The following NOVA1 variants were observed in gnomAD, a reference collection of about 807,000 sequenced individuals.
NOVA1 encodes the protein NOVA alternative splicing regulator 1.
NOVA1 carries 7 observed loss-of-function variants against 38.0 expected under a neutral mutation model. That is an observed-to-expected ratio of 0.18 (90% CI 0.10 to 0.35). The LOEUF (loss-of-function observed/expected upper bound fraction) is 0.35, where lower values mean the gene tolerates loss of function less well. Among genes scored for constraint, NOVA1 ranks in the 10% least tolerant of loss-of-function variants. The probability of loss-of-function intolerance (pLI) is 1.00; values close to 1 mark genes in which losing one functional copy is unlikely to be tolerated. For synonymous variants in NOVA1, 270 were observed against 232.5 expected (o/e 1.16, Z -1.47); for missense variants, 460 against 616.0 (o/e 0.75, Z 2.68).
intron 3 of NOVA1, among the ~76,000 whole-genome samples, chr14:26,473,548 T>TGAAGTC (rs1250132545): frequency 1.3e-5 from 2 of 151,988 alleles, no homozygotes; most frequent in African/African-American, 4.8e-5. Context: ...TGAAATTACT[T>TGAAGTC]GAAGTCATAT....
At chr14:26,508,030 T>G (rs1887774470) in intron 2 of NOVA1, among the ~76,000 whole-genome samples, 1 of 152,054 alleles carries the variant, frequency 6.6e-6, no homozygotes, top group Admixed American at 6.6e-5. Flanking sequence ...CTAAAGTTTT[T>G]CTATTACTTA....
Position 26,444,170 on chromosome 14 carries a change from GT to G in NOVA1, c.*3788del, listed in dbSNP as rs1881895059. On this transcript the variant is annotated 3_prime_UTR_variant, in exon 5 of 5. Transcript: ENST00000539517. ...AAATTTCCAAGGAAACATAGGGCCTGTAACGTAGGGATTCCATTCATTGTTA... is the reference window on the plus strand; with the variant it reads ...AAATTTCCAAGGAAACATAGGGCCTGAACGTAGGGATTCCATTCATTGTTA... 1 of 152,082 alleles carries G rather than the reference GT, an allele frequency of 6.6e-6. No homozygotes were observed. Among genetic ancestry groups the G allele is most frequent in the Admixed American group, 6.6e-5 (1 of 15,256 alleles). The allele number at this position is 152,082 out of a possible 1,614,324, so 9.4% of individuals were successfully genotyped here. A position where few individuals can be genotyped will look rare whatever the true frequency, so the allele number is the denominator to read the frequency against.
At chr14:26,529,484 C>G (rs571448256) in intron 2 of NOVA1, among the ~76,000 whole-genome samples, 2 of 152,218 alleles carry the variant, frequency 1.3e-5, no homozygotes, top group South Asian at 4.1e-4. Context: ...TGGGAAAGGT[C>G]AAGGGTTGGA....
chr14:26,506,804 T>G (rs1164504416), intron 2 of NOVA1, among the ~76,000 whole-genome samples: 1 of 152,138 alleles, frequency 6.6e-6, no homozygotes, highest in Non-Finnish European at 1.5e-5. Context: ...GGTCTCAAAC[T>G]CCTGACCTCA....
intron 2 of NOVA1, among the ~76,000 whole-genome samples, chr14:26,587,308 T>TAAAAAAAAAAAAAA (rs34853058): frequency 1.6e-5 from 2 of 123,680 alleles, no homozygotes; most frequent in Admixed American, 1.6e-4. Context: ...CTAAAATATA[T>TAAAAAAAAAAAAAA]AAAAAAAAAA....
In NOVA1 at chr14:26,581,341, G is replaced by C. The variant is rs375268795; in HGVS notation, c.280+14069C>G. On this transcript the variant is annotated intron_variant, in intron 2 of 4. Transcript: ENST00000539517. ...ACTATATCACAGTGATCTGACCAGAGTTTTCTAACCTTAAATCTATAATTC... is the reference window on the plus strand; with the variant it reads ...ACTATATCACAGTGATCTGACCAGACTTTTCTAACCTTAAATCTATAATTC... 5.3e-5 allele frequency among the ~76,000 whole-genome samples: 8 copies of C among 152,130 alleles called. No homozygotes were observed. The East Asian group carries it at 1.3e-3, about 26-fold the overall frequency.
intron 2 of NOVA1, among the ~76,000 whole-genome samples, chr14:26,487,780 A>G (rs1566469805): frequency 6.6e-6 from 1 of 152,124 alleles, no homozygotes; most frequent in African/African-American, 2.4e-5. Flanking sequence ...TTTCTCCAAG[A>G]TTTATTCCAA....
intron 4 of NOVA1, among the ~76,000 whole-genome samples, chr14:26,463,150 T>G (rs1398509771): frequency 6.6e-6 from 1 of 152,184 alleles, no homozygotes; most frequent in Admixed American, 6.5e-5. Flanking sequence ...TTAATCACTC[T>G]CCTGTGATTA....
At chr14:26,497,862 A>G (rs923832781) in intron 2 of NOVA1, among the ~76,000 whole-genome samples, 2 of 152,190 alleles carry the variant, frequency 1.3e-5, no homozygotes, top group African/African-American at 4.8e-5. Flanking sequence ...TATCAAACCC[A>G]GACATACCAG....
At chr14:26,578,826 T>A (rs1430116163) in intron 2 of NOVA1, among the ~76,000 whole-genome samples, 5 of 152,104 alleles carry the variant, frequency 3.3e-5, no homozygotes, top group Non-Finnish European at 7.4e-5. Context: ...TAACCTTTAG[T>A]CATCCCTAAT....
At chr14:26,460,362 T>G (rs1247854521) in intron 4 of NOVA1, among the ~76,000 whole-genome samples, 1 of 151,990 alleles carries the variant, frequency 6.6e-6, no homozygotes, top group Non-Finnish European at 1.5e-5. Context: ...AACTGTACTA[T>G]TAGTCACAAA....
Position 26,597,146 on chromosome 14 carries a change from G to C in NOVA1, c.136+155C>G, listed in dbSNP as rs1055879080. The C allele has an allele frequency of 7.4e-6, 9 of 1,215,116 alleles. No homozygotes were observed. In the African/African-American group the frequency reaches 1.4e-4, roughly 19 times the overall value. 75.3% of individuals were successfully genotyped at this position (1,215,116 alleles called of 1,614,324 possible). A position where few individuals can be genotyped will look rare whatever the true frequency, so the allele number is the denominator to read the frequency against. On this transcript the variant is annotated intron_variant, in intron 1 of 4. Coordinates refer to ENST00000539517, the MANE Select transcript of NOVA1 (RefSeq NM_002515.3). ...GCGCGGGGCAGGTGCAGGGGAGGGG[G>C]CGCGGGGCAGGGGCGCAGGGGCCGC...
intron 2 of NOVA1, among the ~76,000 whole-genome samples, chr14:26,580,366 A>C (rs1013328509): frequency 6.6e-6 from 1 of 152,302 alleles, no homozygotes; most frequent in Non-Finnish European, 1.5e-5. Context: ...AATTTTAATG[A>C]GTTATAAAAC....
intron 3 of NOVA1, among the ~76,000 whole-genome samples, chr14:26,477,763 G>T (rs1885104225): frequency 6.6e-6 from 1 of 151,796 alleles, no homozygotes; most frequent in Non-Finnish European, 1.5e-5. Flanking sequence ...GTACTACGTT[G>T]GTAAAATTGG....
At chr14:26,558,007 AAAG>A (rs1304439708) in intron 2 of NOVA1, among the ~76,000 whole-genome samples, 2 of 152,042 alleles carry the variant, frequency 1.3e-5, no homozygotes, top group Admixed American at 1.3e-4. Context: ...AAAAAAAAAA[AAAG>A]GTCAATCTAA....
At chr14:26,459,033 G>A (rs1285262060) in intron 4 of NOVA1, among the ~76,000 whole-genome samples, 1 of 152,018 alleles carries the variant, frequency 6.6e-6, no homozygotes, top group Non-Finnish European at 1.5e-5. Flanking sequence ...AGTGTACAGT[G>A]TTGATAAAGT....
chr14:26,479,176 G>A (rs1227733609), intron 3 of NOVA1: 10 of 151,792 alleles, frequency 6.6e-5, no homozygotes, highest in South Asian at 2.1e-4. Flanking sequence ...GTAAAATTAC[G>A]TCACAAATTA....
chr14:26,549,109 A>G (rs1182518364), intron 2 of NOVA1, among the ~76,000 whole-genome samples: 2 of 152,126 alleles, frequency 1.3e-5, no homozygotes, highest in African/African-American at 2.4e-5. Context: ...GTGAGCCATG[A>G]TCACATCACC....
At chr14:26,453,257 G>T (rs1048854981) in intron 4 of NOVA1, among the ~76,000 whole-genome samples, 14 of 151,830 alleles carry the variant, frequency 9.2e-5, no homozygotes, top group Middle Eastern at 3.4e-3. Flanking sequence ...ACCCAGGCTG[G>T]AGTACAGTGA....
Sources: allele counts gnomAD v4.1 joint callset (sites outside exome capture counted in the v4.1 genomes callset), GRCh38; gene constraint gnomAD v4.1.1; transcripts MANE v1.5; gene names NCBI Gene and HGNC (gene_info 2026-07-23, HGNC 2026-07-21).